KCNIP1: variants seen among roughly 807,000 people sequenced by gnomAD.
The protein encoded by KCNIP1 is A-type potassium channel modulatory protein KCNIP1.
KCNIP1 carries 18 observed loss-of-function variants against 33.0 expected under a neutral mutation model. The ratio of observed to expected loss-of-function variants is 0.55; its 90% CI spans 0.38 to 0.81. The LOEUF is 0.81. Ranked by LOEUF, KCNIP1 falls within the 30% of genes least tolerant of loss-of-function variation. KCNIP1 has a pLI of 0.00. For missense variants in KCNIP1, 238 were observed against 271.6 expected (o/e 0.88, Z 0.87); for synonymous variants, 93 against 98.3 (o/e 0.95, Z 0.32).
chr5:170,674,957 C>T (rs752116202), intron 1 of KCNIP1, among the ~76,000 whole-genome samples: 24 of 144,768 alleles, frequency 1.7e-4, no homozygotes, highest in Middle Eastern at 3.5e-3. Context: ...TAGCTAGATG[C>T]ACAGAGGGTT....
At chr5:170,447,347 A>G (rs1170213227) in intron 1 of KCNIP1, among the ~76,000 whole-genome samples, 11 of 152,164 alleles carry the variant, frequency 7.2e-5, no homozygotes, top group Admixed American at 7.2e-4. Flanking sequence ...TGTTTTCTTT[A>G]TGAAGCAGAC....
intron 1 of KCNIP1, among the ~76,000 whole-genome samples, chr5:170,552,962 G>A (rs1459676832): frequency 6.6e-6 from 1 of 152,218 alleles, no homozygotes; most frequent in Non-Finnish European, 1.5e-5. Context: ...AGCCTTGGAG[G>A]GCTCCCAAAG....
At chr5:170,525,525 T>G (rs1428646713) in intron 1 of KCNIP1, among the ~76,000 whole-genome samples, 1 of 152,240 alleles carries the variant, frequency 6.6e-6, no homozygotes, top group Non-Finnish European at 1.5e-5. Context: ...CTCCCTAGAA[T>G]GCAGAGGAAG....
chr5:170,409,031 C>T (rs571958813), intron 1 of KCNIP1, among the ~76,000 whole-genome samples: 11 of 152,086 alleles, frequency 7.2e-5, no homozygotes, highest in East Asian at 1.9e-4. Context: ...GCTGCAGAGG[C>T]GGGAGGGGCA....
chr5:170,635,789 C>T (rs1192960673), intron 1 of KCNIP1, among the ~76,000 whole-genome samples: 1 of 152,220 alleles, frequency 6.6e-6, no homozygotes, highest in African/African-American at 2.4e-5. Context: ...GGACAGTCTT[C>T]TGCCTTGGAT....
intron 7 of KCNIP1, among the ~76,000 whole-genome samples, 197 bp downstream of exon 7, chr5:170,734,095 C>A (rs1764301183): frequency 6.6e-6 from 1 of 152,070 alleles, no homozygotes; most frequent in Admixed American, 6.5e-5. Context: ...TGGCTAAGCA[C>A]AAGACTGAAC....
rs142234036 is a variant in KCNIP1 at position 170,631,524 on chromosome 5, G to A, written c.62-87234G>A. ...AGAGCAGGAGGCAAAAGAAACGCAG[G>A]GGCTTTCCCGAATGGAATTTTAGAA... is the stretch of plus-strand genomic sequence containing the variant. On this transcript the variant is annotated intron_variant, in intron 1 of 7. Transcript: ENST00000328939. Among the ~76,000 whole-genome samples, 270 of 152,246 alleles carry A rather than the reference G, an allele frequency of 1.8e-3. 1 individual carries two copies. Among genetic ancestry groups the A allele is most frequent in the African/African-American group, 6.1e-3 (253 of 41,530 alleles).
intron 1 of KCNIP1, among the ~76,000 whole-genome samples, chr5:170,630,136 G>T (rs1342448957): frequency 6.6e-6 from 1 of 152,168 alleles, no homozygotes. Context: ...TGAGGGGCCA[G>T]ATGCCAACTC....
intron 1 of KCNIP1, among the ~76,000 whole-genome samples, chr5:170,593,926 G>A (rs1384391321): frequency 6.6e-6 from 1 of 152,220 alleles, no homozygotes; most frequent in African/African-American, 2.4e-5. Context: ...CTAGCTTCAG[G>A]TGAGCTTGGA....
At chr5:170,705,748 T>C (rs1763236792) in intron 1 of KCNIP1, among the ~76,000 whole-genome samples, 1 of 152,174 alleles carries the variant, frequency 6.6e-6, no homozygotes, top group Non-Finnish European at 1.5e-5. Flanking sequence ...AATCTTCCTA[T>C]ACTGAAGAGA....
intron 1 of KCNIP1, among the ~76,000 whole-genome samples, chr5:170,421,370 GTCTC>G (rs879454643): frequency 2.6e-5 from 4 of 152,210 alleles, no homozygotes; most frequent in Admixed American, 2.6e-4. Context: ...AAATCATGTG[GTCTC>G]TCTTTTAATT....
At chr5:170,397,704 A>G (rs974906273) in intron 1 of KCNIP1, among the ~76,000 whole-genome samples, 1 of 152,232 alleles carries the variant, frequency 6.6e-6, no homozygotes, top group Non-Finnish European at 1.5e-5. Context: ...AAAATATTTG[A>G]AGATATTTAT....
chr5:170,483,216 A>T, intron 1 of KCNIP1: 1 of 375,198 alleles, frequency 2.7e-6, no homozygotes, highest in Middle Eastern at 4.5e-4. Context: ...GGCAAGAGGA[A>T]CCCAGGGTGG....
intron 1 of KCNIP1, among the ~76,000 whole-genome samples, chr5:170,669,046 T>G (rs1213487550): frequency 6.6e-6 from 1 of 152,202 alleles, no homozygotes; most frequent in Non-Finnish European, 1.5e-5. Context: ...CTTCTCTTTC[T>G]CATCACAGTC....
chr5:170,381,885 C>T (rs1172141211), intron 1 of KCNIP1, among the ~76,000 whole-genome samples: 1 of 152,194 alleles, frequency 6.6e-6, no homozygotes, highest in Non-Finnish European at 1.5e-5. Flanking sequence ...GTAGGAGCTG[C>T]CTCCAGTGGG....
intron 1 of KCNIP1, among the ~76,000 whole-genome samples, chr5:170,620,061 G>T (rs375894990): frequency 6.6e-6 from 1 of 152,330 alleles, no homozygotes; most frequent in East Asian, 1.9e-4. Context: ...CTCAGTCTCC[G>T]TTGACTCATC....
intron 1 of KCNIP1, among the ~76,000 whole-genome samples, chr5:170,592,620 C>A (rs927984941): frequency 5.9e-5 from 9 of 152,216 alleles, no homozygotes; most frequent in Non-Finnish European, 8.8e-5. Context: ...GGCACAGTGG[C>A]AGCCATGGAT....
chr5:170,543,515 G>C (rs540561325), intron 1 of KCNIP1, among the ~76,000 whole-genome samples: 1 of 152,218 alleles, frequency 6.6e-6, no homozygotes, highest in Admixed American at 6.5e-5. Context: ...TTGACTTTGG[G>C]GGAGGCATGG....
At chr5:170,510,016 T>G (rs540265914) in intron 1 of KCNIP1, among the ~76,000 whole-genome samples, 34 of 152,332 alleles carry the variant, frequency 2.2e-4, no homozygotes, top group African/African-American at 7.9e-4. Flanking sequence ...AGTCCCACAA[T>G]TGTCCTTCAG....
Sources: allele counts gnomAD v4.1 joint callset (sites outside exome capture counted in the v4.1 genomes callset), GRCh38; gene constraint gnomAD v4.1.1; transcripts MANE v1.5; gene names NCBI Gene and HGNC (gene_info 2026-07-23, HGNC 2026-07-21).